NCAM2: variants seen among roughly 807,000 people sequenced by gnomAD.
The protein encoded by NCAM2 is neural cell adhesion molecule 2.
Under a neutral mutation model 98.1 loss-of-function variants are expected in NCAM2, and 30 were observed. The ratio of observed to expected loss-of-function variants is 0.31; its 90% CI spans 0.23 to 0.41. NCAM2 has a LOEUF of 0.41. Among genes scored for constraint, NCAM2 ranks in the 10% least tolerant of loss-of-function variants. The pLI, the probability that NCAM2 is intolerant of heterozygous loss-of-function variation, is 1.00. For missense variants in NCAM2, 867 were observed against 1,005.8 expected, an observed-to-expected ratio of 0.86 and a Z score of 1.87; for synonymous variants, 368 against 342.4, an observed-to-expected ratio of 1.07 and a Z score of -0.83.
intron 5 of NCAM2, among the ~76,000 whole-genome samples, chr21:21,319,292 A>C (rs2074307376): frequency 6.6e-6 from 1 of 152,256 alleles, no homozygotes; most frequent in South Asian, 2.1e-4. Context: ...CAACTATCTG[A>C]GGGAGTTCCT....
intron 1 of NCAM2, among the ~76,000 whole-genome samples, chr21:21,004,620 A>T (rs1270145866): frequency 1.3e-5 from 2 of 152,234 alleles, no homozygotes; most frequent in Non-Finnish European, 2.9e-5. Context: ...TCAACAAAAT[A>T]TTATAAAATG....
intron 8 of NCAM2, among the ~76,000 whole-genome samples, chr21:21,368,363 C>T (rs1478973262): frequency 6.6e-6 from 1 of 151,868 alleles, no homozygotes; most frequent in Non-Finnish European, 1.5e-5. Flanking sequence ...GGAATCCACT[C>T]ACTCTTTTCC....
At chr21:21,109,208 A>T (rs1187858937) in intron 1 of NCAM2, among the ~76,000 whole-genome samples, 1 of 152,148 alleles carries the variant, frequency 6.6e-6, no homozygotes, top group Admixed American at 6.6e-5. Flanking sequence ...GTAAGGTGTG[A>T]TTCCATTGTT....
intron 1 of NCAM2, among the ~76,000 whole-genome samples, chr21:21,115,248 AT>A (rs1414062915): frequency 2.0e-5 from 3 of 152,204 alleles, no homozygotes; most frequent in African/African-American, 7.2e-5. Context: ...CATAAAAGAA[AT>A]AATTTTATTA....
chr21:21,158,762 T>C (rs1263840362), intron 1 of NCAM2, among the ~76,000 whole-genome samples: 1 of 152,048 alleles, frequency 6.6e-6, no homozygotes, highest in Non-Finnish European at 1.5e-5. Context: ...CATAGAAAAA[T>C]ATAGCACATA....
At chr21:21,416,639 T>TTG (rs548807759) in intron 10 of NCAM2, among the ~76,000 whole-genome samples, 145 of 152,302 alleles carry the variant, frequency 9.5e-4, no homozygotes, top group African/African-American at 3.4e-3. Context: ...CAGTGGGTGT[T>TTG]TATCAGTAGA....
At chr21:21,034,353 C>T (rs1443296043) in intron 1 of NCAM2, among the ~76,000 whole-genome samples, 2 of 152,130 alleles carry the variant, frequency 1.3e-5, no homozygotes, top group African/African-American at 4.8e-5. Context: ...TTTCTAGAAA[C>T]TCTGAAGCAT....
chr21:21,401,719 A>C (rs141191171), intron 9 of NCAM2, among the ~76,000 whole-genome samples: 3 of 152,252 alleles, frequency 2.0e-5, no homozygotes, highest in Admixed American at 6.5e-5. Flanking sequence ...ATCTGATTTC[A>C]TGTCTTGACT....
chr21:21,461,599 T>C (rs1982983548), intron 12 of NCAM2, among the ~76,000 whole-genome samples: 1 of 152,048 alleles, frequency 6.6e-6, no homozygotes, highest in African/African-American at 2.4e-5. Context: ...AAAATATATA[T>C]CCATATAAAT....
At chr21:21,484,383 TG>T (rs1986164829) in intron 15 of NCAM2, among the ~76,000 whole-genome samples, 1 of 152,182 alleles carries the variant, frequency 6.6e-6, no homozygotes, top group Non-Finnish European at 1.5e-5. Flanking sequence ...TTTCCTCGTT[TG>T]TAACTCTACC....
At chr21:21,477,606 A>G in intron 15 of NCAM2, 135 bp downstream of exon 15, 1 of 727,760 alleles carries the variant, frequency 1.4e-6, no homozygotes, top group Non-Finnish European at 2.1e-6. Flanking sequence ...TTATTGTGAC[A>G]TATCATACAC....
At chr21:21,298,559 G>T (rs2147623599) in intron 5 of NCAM2, among the ~76,000 whole-genome samples, 1 of 150,774 alleles carries the variant, frequency 6.6e-6, no homozygotes, top group South Asian at 2.1e-4. Context: ...GAAATTTTTA[G>T]TTTATATAAA....
intron 1 of NCAM2, among the ~76,000 whole-genome samples, chr21:21,185,403 C>T (rs1483158903): frequency 6.6e-6 from 1 of 152,118 alleles, no homozygotes; most frequent in Non-Finnish European, 1.5e-5. Context: ...CTTTAGCTAA[C>T]TTTCTTGTAA....
intron 1 of NCAM2, among the ~76,000 whole-genome samples, chr21:21,118,898 C>A (rs573255073): frequency 3.2e-4 from 48 of 152,076 alleles, no homozygotes; most frequent in Non-Finnish European, 5.7e-4. Flanking sequence ...AACAAAAGTA[C>A]AAAATTATGT....
At chr21:21,522,052 A>G (rs537293601) in intron 16 of NCAM2, among the ~76,000 whole-genome samples, 1 of 148,312 alleles carries the variant, frequency 6.7e-6, no homozygotes, top group Non-Finnish European at 1.5e-5. Flanking sequence ...ATTCATATAT[A>G]TGAATGAATA....
intron 14 of NCAM2, among the ~76,000 whole-genome samples, chr21:21,469,311 C>T (rs1246737598): frequency 6.6e-6 from 1 of 151,962 alleles, no homozygotes; most frequent in East Asian, 1.9e-4. Flanking sequence ...AAGCTGCACA[C>T]AGATTTTTGA....
chr21:21,485,876 G>A (rs1986306579), intron 15 of NCAM2, among the ~76,000 whole-genome samples: 2 of 151,970 alleles, frequency 1.3e-5, no homozygotes, highest in Non-Finnish European at 2.9e-5. Flanking sequence ...TTCATATGAG[G>A]GCTAGGCCTC....
chr21:21,499,567 G>A (rs1987489015), intron 15 of NCAM2, among the ~76,000 whole-genome samples: 1 of 151,582 alleles, frequency 6.6e-6, no homozygotes, highest in Non-Finnish European at 1.5e-5. Flanking sequence ...AAAACAAAAT[G>A]TTTGTACTTG....
chr21:21,154,606 G>A (rs2146732935), intron 1 of NCAM2, among the ~76,000 whole-genome samples: 1 of 151,954 alleles, frequency 6.6e-6, no homozygotes, highest in South Asian at 2.1e-4. Flanking sequence ...TGAAACATGA[G>A]TGGATAGGTA....
Sources: gnomAD v4.1 joint callset for allele counts (sites outside exome capture counted in the v4.1 genomes callset) on GRCh38, gnomAD v4.1.1 for gene constraint, MANE v1.5 for transcripts, NCBI Gene and HGNC (gene_info 2026-07-23, HGNC 2026-07-21) for gene names.